Variants in ROBO2 observed in about 807,000 individuals in gnomAD.
ROBO2 encodes the protein roundabout homolog 2.
Under a neutral mutation model 160.8 loss-of-function variants are expected in ROBO2, and 53 were observed. That is an observed-to-expected ratio of 0.33 (90% confidence interval 0.26 to 0.41). The LOEUF is 0.41. ROBO2 is among the 10% of genes least tolerant of loss of function. The pLI is 1.00. For missense variants in ROBO2, 1,577 were observed against 1,722.4 expected (o/e 0.92, Z 1.49); for synonymous variants, 664 against 611.7 (o/e 1.09, Z -1.26).
At chr3:76,814,113 C>T (rs1182524330) in intron 2 of ROBO2, among the ~76,000 whole-genome samples, 4 of 152,124 alleles carry the variant, frequency 2.6e-5, no homozygotes, top group East Asian at 1.9e-4. Context: ...AAATTAAAAA[C>T]GAAGTATCCG....
At chr3:76,652,026 G>A (rs889294810) in intron 2 of ROBO2, among the ~76,000 whole-genome samples, 4 of 152,152 alleles carry the variant, frequency 2.6e-5, no homozygotes, top group African/African-American at 7.2e-5. Flanking sequence ...TTACAGACCA[G>A]CAGCAAGAAA....
At chr3:76,715,966 C>CA (rs1222060751) in intron 2 of ROBO2, among the ~76,000 whole-genome samples, 1 of 151,968 alleles carries the variant, frequency 6.6e-6, no homozygotes, top group Non-Finnish European at 1.5e-5. Flanking sequence ...GCTTTGGCTG[C>CA]AAAAAAATTA....
At chr3:77,226,874 G>C (rs1041549456) in intron 2 of ROBO2, among the ~76,000 whole-genome samples, 1 of 152,112 alleles carries the variant, frequency 6.6e-6, no homozygotes, top group African/African-American at 2.4e-5. Context: ...AGTTGCTACT[G>C]AATATGTATT....
chr3:77,499,420 T>C (rs1029140111), intron 5 of ROBO2, among the ~76,000 whole-genome samples: 1 of 152,154 alleles, frequency 6.6e-6, no homozygotes, highest in East Asian at 1.9e-4. Context: ...TATAACCATT[T>C]CAAAGCACTG....
At chr3:77,555,319 C>A (rs2093073530) in intron 8 of ROBO2, among the ~76,000 whole-genome samples, 1 of 151,810 alleles carries the variant, frequency 6.6e-6, no homozygotes, top group Admixed American at 6.6e-5. Context: ...CCTACAATAC[C>A]CCTGAGATAT....
At chr3:76,739,771 A>T (rs2093772820) in intron 2 of ROBO2, among the ~76,000 whole-genome samples, 1 of 152,206 alleles carries the variant, frequency 6.6e-6, no homozygotes, top group African/African-American at 2.4e-5. Flanking sequence ...TTACTGTAAA[A>T]AAAAGGATAG....
chr3:77,141,308 T>G (rs1252051314), intron 2 of ROBO2, among the ~76,000 whole-genome samples: 1 of 151,134 alleles, frequency 6.6e-6, no homozygotes, highest in Non-Finnish European at 1.5e-5. Flanking sequence ...AATAGGCTTA[T>G]AACAGATGTA....
intron 2 of ROBO2, among the ~76,000 whole-genome samples, chr3:76,793,843 T>C (rs1315386798): frequency 6.6e-6 from 1 of 151,926 alleles, no homozygotes; most frequent in Non-Finnish European, 1.5e-5. Flanking sequence ...CACAGAAACA[T>C]TGCAAGTAAT....
intron 2 of ROBO2, among the ~76,000 whole-genome samples, chr3:77,024,171 G>A (rs2062807729): frequency 6.6e-6 from 1 of 152,080 alleles, no homozygotes; most frequent in Non-Finnish European, 1.5e-5. Flanking sequence ...TGGCATTATC[G>A]ATTGCCTGAT....
chr3:77,080,873 A>C (rs1401066903), intron 1 of ROBO2, among the ~76,000 whole-genome samples: 1 of 152,184 alleles, frequency 6.6e-6, no homozygotes, highest in Non-Finnish European at 1.5e-5. Flanking sequence ...AAAGGAGTGG[A>C]TATATTAATC....
At chr3:76,811,838 TTTCCTTCCTTCCTTCC>T (rs59218956) in intron 2 of ROBO2, among the ~76,000 whole-genome samples, 2 of 33,476 alleles carry the variant, frequency 6.0e-5, no homozygotes, top group Non-Finnish European at 1.1e-4. Context: ...TCCTTCCTTC[TTTCCTTCCTTCCTTCC>T]TTCCTTCCTT....
At chr3:77,037,693 T>G (rs11127575), upstream of ROBO2, among the ~76,000 whole-genome samples, 28,032 of 152,058 alleles carry the variant, frequency 0.18, 2,692 homozygotes, top group Admixed American at 0.26. Context: ...GATTTTATAG[T>G]TTACTTAAGG....
chr3:77,518,468 T>A (rs2090252028), intron 5 of ROBO2, among the ~76,000 whole-genome samples: 1 of 151,546 alleles, frequency 6.6e-6, no homozygotes, highest in South Asian at 2.1e-4. Context: ...CTGTTTGTTT[T>A]TAAATTACAA....
At chr3:76,434,336 G>T (rs2076571150) in intron 2 of ROBO2, 2 of 1,228,602 alleles carry the variant, frequency 1.6e-6, no homozygotes, top group African/African-American at 3.0e-5. Flanking sequence ...AGCAGATCAA[G>T]AAGTGATAAG....
At chr3:76,124,474 A>G (rs1002216327) in intron 2 of ROBO2, among the ~76,000 whole-genome samples, 1 of 152,140 alleles carries the variant, frequency 6.6e-6, no homozygotes, top group African/African-American at 2.4e-5. Context: ...TCACCCATTA[A>G]TTAGTGACCA....
intron 2 of ROBO2, among the ~76,000 whole-genome samples, chr3:76,274,302 A>C (rs1331209150): frequency 6.6e-6 from 1 of 152,170 alleles, no homozygotes; most frequent in South Asian, 2.1e-4. Context: ...ATACATATGT[A>C]ACTAACCTGC....
intron 2 of ROBO2, among the ~76,000 whole-genome samples, chr3:75,995,917 T>G (rs1055423777): frequency 5.3e-5 from 8 of 152,172 alleles, no homozygotes; most frequent in Admixed American, 3.9e-4. Flanking sequence ...CCTGTATCCC[T>G]TTTGTTTTGG....
intron 2 of ROBO2, among the ~76,000 whole-genome samples, chr3:76,600,238 G>A (rs4241412): frequency 0.94 from 143,775 of 152,168 alleles, 68,439 homozygotes; most frequent in Non-Finnish European, 1. Flanking sequence ...TAAGGAAGGG[G>A]TCCAGTTTCA....
intron 2 of ROBO2, among the ~76,000 whole-genome samples, chr3:76,996,233 G>C (rs1330341485): frequency 6.6e-6 from 1 of 152,026 alleles, no homozygotes; most frequent in African/African-American, 2.4e-5. Context: ...TCTTGTTTTT[G>C]TCAGGTGTGT....
Sources: gnomAD v4.1 joint callset for allele counts (sites outside exome capture counted in the v4.1 genomes callset) on GRCh38, gnomAD v4.1.1 for gene constraint, MANE v1.5 for transcripts, NCBI Gene and HGNC (gene_info 2026-07-23, HGNC 2026-07-21) for gene names.